Variants in SHANK1 observed in about 807,000 individuals in gnomAD.
SHANK1 encodes SH3 and multiple ankyrin repeat domains protein 1.
In SHANK1, 35 loss-of-function variants were observed where a neutral mutation model predicts 165.6. That is an observed-to-expected ratio of 0.21 (90% CI 0.16 to 0.28). The LOEUF (loss-of-function observed/expected upper bound fraction) is 0.28, where lower values mean the gene tolerates loss of function less well. SHANK1 is among the 10% of genes least tolerant of loss of function. SHANK1 has a pLI of 1.00. For missense variants in SHANK1, 2,681 were observed against 3,036.4 expected (o/e 0.88, Z 2.75); for synonymous variants, 1,428 against 1,384.8 (o/e 1.03, Z -0.69).
chr19:50,667,455 G>A lies in SHANK1; in HGVS notation c.4505C>T (p.Ala1502Val), dbSNP rs757776890. 3.5e-5 allele frequency: 54 copies of A among 1,527,940 alleles called. No individual in the cohort carries two copies. Among genetic ancestry groups the A allele is most frequent in the African/African-American group, 4.1e-5 (3 of 72,490 alleles). 94.6% of individuals were successfully genotyped at this position (1,527,940 alleles called of 1,614,324 possible). A position where few individuals can be genotyped will look rare whatever the true frequency, so the allele number is the denominator to read the frequency against. ...VRFLENCQPR[A>V]PVTSGRGPPS... is the part of the protein sequence containing the mutation. Reference sequence around the variant, plus strand: ...GGGACCCCTTCCGCTCGTCACAGGGGCCCGGGGCTGGCAGTTTTCAAGGAA... The same window carrying A: ...GGGACCCCTTCCGCTCGTCACAGGGACCCGGGGCTGGCAGTTTTCAAGGAA... Residue 1502 changes from alanine to valine, a missense_variant, in exon 23 of 24, where the codon GCC becomes GTC. Ala to Val is a moderately conservative substitution (Grantham distance 64, BLOSUM62 0). This residue lies in a region of SHANK1 where 1,713 missense variants were observed against 1,630.2 expected (regional missense o/e 1.05). Transcript: ENST00000293441. This position sits in a 1 kb window ranked among gnomAD's most constrained non-coding sequence, Gnocchi z 5.7.
At chr19:50,676,229 T>C (rs1247535384) in intron 21 of SHANK1, among the ~76,000 whole-genome samples, 2 of 149,414 alleles carry the variant, frequency 1.3e-5, no homozygotes, top group Non-Finnish European at 3.0e-5. Context: ...CTTGAGCCCA[T>C]GAGTTTGAGG....
chr19:50,687,183 T>G, intron 19 of SHANK1: 1 of 494,350 alleles, frequency 2.0e-6, no homozygotes, highest in Non-Finnish European at 3.6e-6. Flanking sequence ...TCAGGGGAAA[T>G]GGGACCCCCA....
intron 15 of SHANK1, among the ~76,000 whole-genome samples, chr19:50,693,875 G>A (rs1464807316): frequency 1.3e-5 from 2 of 152,142 alleles, no homozygotes; most frequent in Non-Finnish European, 2.9e-5. Context: ...GGGCAAGGGG[G>A]CAGGGGAGAG....
In SHANK1 at chr19:50,702,693, G is replaced by A. The variant is rs764141761; in HGVS notation, c.1554-33C>T. 5.8e-4 allele frequency: 838 copies of A among 1,453,912 alleles called. 5 individuals carry two copies. Among genetic ancestry groups the A allele is most frequent in the Admixed American group, 5.0e-4 (24 of 47,612 alleles). The allele number at this position is 1,453,912 out of a possible 1,614,324, so 90.1% of individuals were successfully genotyped here. On this transcript the variant is annotated intron_variant, in intron 11 of 23. Coordinates refer to ENST00000293441, the MANE Select transcript of SHANK1 (RefSeq NM_016148.5). The surrounding 1 kb of genome is among the most constrained non-coding windows in gnomAD (Gnocchi z 5.3). ...CACAGAGGGCATGAGAGGAGGGGAG[G>A]GTGGAGGGAGGGGACACCTCTGGGA...
Position 50,713,812 on chromosome 19 carries a change from A to G in SHANK1, c.778T>C (p.Cys260Arg). Reference sequence around the variant, plus strand: ...CGAAGCCTCACCGTGAGTGCCAGGCAGTGTCGGGCGCATGCGGCCTTATGC... The same window carrying G: ...CGAAGCCTCACCGTGAGTGCCAGGCGGTGTCGGGCGCATGCGGCCTTATGC... ...ALHKAACARH[C>R]LALTALLDLG... The change falls in exon 6 of 24, where the codon TGC becomes CGC. Residue 260 changes from cysteine to arginine, a missense_variant. Around this residue, in one of 10 missense-constraint regions of SHANK1, gnomAD observed 189 missense variants for 440.9 expected, o/e 0.43. Coordinates refer to ENST00000293441, the MANE Select transcript of SHANK1 (RefSeq NM_016148.5). The surrounding 1 kb of genome is among the most constrained non-coding windows in gnomAD (Gnocchi z 6.2). The G allele has an allele frequency of 1.2e-6, 2 of 1,613,462 alleles. No homozygotes were observed. Among genetic ancestry groups the G allele is most frequent in the Non-Finnish European group, 1.7e-6 (2 of 1,179,938 alleles).
In SHANK1 at chr19:50,712,243, T is replaced by A. The variant is rs1378086275; in HGVS notation, c.793-129A>T. ...CAGTGGCCAATGACAGTCTCAGTTC[T>A]GCCGTGATGCCCTTGTGCAACCTTG... On this transcript the variant is annotated intron_variant, in intron 6 of 23. Transcript: ENST00000293441. 4 of 907,798 alleles carry A rather than the reference T, an allele frequency of 4.4e-6. No homozygotes were observed. The African/African-American group carries it at 5.1e-5, about 12-fold the overall frequency. 56.2% of individuals were successfully genotyped at this position (907,798 alleles called of 1,614,324 possible). A position where few individuals can be genotyped will look rare whatever the true frequency, so the allele number is the denominator to read the frequency against.
At chr19:50,715,474 G>T (rs1207302908) in intron 4 of SHANK1, among the ~76,000 whole-genome samples, 185 bp downstream of exon 4, 1 of 151,978 alleles carries the variant, frequency 6.6e-6, no homozygotes, top group South Asian at 2.1e-4. Context: ...GGGATAATGG[G>T]GGGTATTTGT....
chr19:50,707,876 TTTTTCTTTTCTTTTCTTTTC>T (rs60019205), intron 8 of SHANK1, among the ~76,000 whole-genome samples: 5,893 of 94,382 alleles, frequency 0.062, 306 homozygotes, highest in East Asian at 0.11. Context: ...CTTTTGCGTG[TTTTTCTTTTCTTTTCTTTTC>T]TTTTCTTTTC....
In SHANK1 at chr19:50,716,544, G is replaced by A. The variant is rs2089071839; in HGVS notation, c.256-66C>T. On this transcript the variant is annotated intron_variant, in intron 2 of 23. Transcript: ENST00000293441. The surrounding 1 kb of genome is among the most constrained non-coding windows in gnomAD (Gnocchi z 8.4). Reference sequence around the variant, plus strand: ...CAGAGGAGAGCCTGAGGTGGGTTGGGAAGTGAGCCAGGAGCTGAGTGTGGG... The same window carrying A: ...CAGAGGAGAGCCTGAGGTGGGTTGGAAAGTGAGCCAGGAGCTGAGTGTGGG... 2 of 1,588,760 alleles carry A rather than the reference G, an allele frequency of 1.3e-6. No individual in the cohort carries two copies. Among genetic ancestry groups the A allele is most frequent in the Admixed American group, 1.7e-5 (1 of 58,762 alleles).
chr19:50,717,966 G>A lies in SHANK1; in HGVS notation c.-43-1004C>T, dbSNP rs1308620095. On this transcript the variant is annotated intron_variant, in intron 1 of 23. Transcript: ENST00000293441. The surrounding 1 kb of genome is among the most constrained non-coding windows in gnomAD (Gnocchi z 5.5). ...GAGGGTGGAGCCCCTTCCAAATGGG[G>A]TCCGCCTCCCTTCTGTTCTCCCCCA... 3.3e-5 allele frequency among the ~76,000 whole-genome samples: 5 copies of A among 151,980 alleles called. No homozygotes were observed. The highest frequency in any genetic ancestry group is 5.9e-5 in the Non-Finnish European group (4 of 67,966).
chr19:50,697,026 T>C lies in SHANK1; in HGVS notation c.1964+70A>G. The C allele has an allele frequency of 3.8e-6, 5 of 1,317,684 alleles. No homozygotes were observed. Among genetic ancestry groups the C allele is most frequent in the Non-Finnish European group, 5.5e-6 (5 of 915,658 alleles). The allele number at this position is 1,317,684 out of a possible 1,614,324, so 81.6% of individuals were successfully genotyped here. On this transcript the variant is annotated intron_variant, in intron 15 of 23. Coordinates refer to ENST00000293441, the MANE Select transcript of SHANK1 (RefSeq NM_016148.5). This position sits in a 1 kb window ranked among gnomAD's most constrained non-coding sequence, Gnocchi z 4.7. ...CCTCAGCTCTGGTCGTGCACACACG[T>C]TCACACGCCCCCCAGGCACCCCGTC...
intron 7 of SHANK1, 122 bp downstream of exon 7, chr19:50,711,825 C>CA: frequency 8.9e-7 from 1 of 1,125,240 alleles, no homozygotes; most frequent in Non-Finnish European, 1.3e-6. Flanking sequence ...CTTTGGGGAC[C>CA]ATGTTATTCT....
chr19:50,686,491 GT>G lies in SHANK1; in HGVS notation c.2459-137del, dbSNP rs1986341756. 2 of 756,964 alleles carry G rather than the reference GT, an allele frequency of 2.6e-6. No individual in the cohort carries two copies. Among genetic ancestry groups the G allele is most frequent in the African/African-American group, 3.5e-5 (2 of 57,102 alleles). 46.9% of individuals were successfully genotyped at this position (756,964 alleles called of 1,614,324 possible). ...ACCAGGAAAGGGCAGCCCTGCCTGG[GT>G]CCGGGTGGACGGGCAGTCCCGCTTG... On this transcript the variant is annotated intron_variant, in intron 20 of 23. Transcript: ENST00000293441. The surrounding 1 kb of genome is among the most constrained non-coding windows in gnomAD (Gnocchi z 5.7).
At chr19:50,682,271 G>A (rs1986204632) in intron 21 of SHANK1, among the ~76,000 whole-genome samples, 1 of 150,970 alleles carries the variant, frequency 6.6e-6, no homozygotes, top group African/African-American at 2.4e-5. Context: ...TGCCAGGATG[G>A]TCTTGATCTG....
chr19:50,662,435 C>T lies in SHANK1; in HGVS notation c.6016G>A (p.Ala2006Thr), dbSNP rs376222896. 2.3e-5 allele frequency: 35 copies of T among 1,552,358 alleles called. No homozygotes were observed. The highest frequency in any genetic ancestry group is 1.8e-4 in the African/African-American group (13 of 73,686). Residue 2006 changes from alanine to threonine, a missense_variant, in exon 24 of 24, where the codon GCC becomes ACC. Physicochemically the swap from Ala to Thr is moderately conservative, Grantham distance 58. This residue lies in a region of SHANK1 where 1,713 missense variants were observed against 1,630.2 expected (regional missense o/e 1.05). Transcript: ENST00000293441. The surrounding 1 kb of genome is among the most constrained non-coding windows in gnomAD (Gnocchi z 7.7). ...GCAGGGCTGACCTTGTGCTCCGAGGCGGGCAGCAGCGAGGGGCTGGGGGCC... is the reference window on the plus strand; with the variant it reads ...GCAGGGCTGACCTTGTGCTCCGAGGTGGGCAGCAGCGAGGGGCTGGGGGCC... ...RRAPSPSLLP[A>T]SEHKVSPAPR...
Position 50,659,302 on chromosome 19 carries a change from C to T in SHANK1, c.*2663G>A, listed in dbSNP as rs1985091345. 2 of 552,636 alleles carry T rather than the reference C, an allele frequency of 3.6e-6. No homozygotes were observed. Among genetic ancestry groups the T allele is most frequent in the Non-Finnish European group, 5.4e-6 (2 of 367,984 alleles). 34.2% of individuals were successfully genotyped at this position (552,636 alleles called of 1,614,324 possible). A position where few individuals can be genotyped will look rare whatever the true frequency, so the allele number is the denominator to read the frequency against. ...TTTAATTATAAAGAATGACCTGGTA[C>T]AAAAGCCATTTCTCTCTGCAAAATC... On this transcript the variant is annotated 3_prime_UTR_variant, in exon 24 of 24. Coordinates refer to ENST00000293441, the MANE Select transcript of SHANK1 (RefSeq NM_016148.5).
chr19:50,661,700 C>T lies in SHANK1; in HGVS notation c.*265G>A, dbSNP rs1985231064. On this transcript the variant is annotated 3_prime_UTR_variant, in exon 24 of 24. Transcript: ENST00000293441. The stretch of plus-strand genomic sequence containing the variant: ...TAGGCCCTTCCCTCCTTCTCAATTC[C>T]CCTCTGTAATTTCTCCTATCCCCCC... The T allele has an allele frequency of 2.0e-6, 1 of 508,252 alleles. No homozygotes were observed. Among genetic ancestry groups the T allele is most frequent in the Non-Finnish European group, 3.5e-6 (1 of 282,560 alleles). The allele number at this position is 508,252 out of a possible 1,614,324, so 31.5% of individuals were successfully genotyped here. A position where few individuals can be genotyped will look rare whatever the true frequency, so the allele number is the denominator to read the frequency against.
At chr19:50,692,130 G>T (rs1254839493) in intron 15 of SHANK1, among the ~76,000 whole-genome samples, 1 of 152,012 alleles carries the variant, frequency 6.6e-6, no homozygotes, top group African/African-American at 2.4e-5. Context: ...CCACAGCACC[G>T]AAATACCTTG....
At chr19:50,707,293 C>T (rs548017673) in intron 8 of SHANK1, among the ~76,000 whole-genome samples, 46 of 152,298 alleles carry the variant, frequency 3.0e-4, no homozygotes, top group African/African-American at 1.1e-3. Context: ...AGGGACTATT[C>T]GGTAGAAGGA....
Sources: allele counts gnomAD v4.1 joint callset (sites outside exome capture counted in the v4.1 genomes callset), GRCh38; gene constraint gnomAD v4.1.1; regional missense constraint gnomAD v4.1.1; non-coding constraint Gnocchi (gnomAD v3.1); transcripts MANE v1.5; gene names NCBI Gene and HGNC (gene_info 2026-07-23, HGNC 2026-07-21).